Variants in HDAC9 observed in about 807,000 individuals in gnomAD.
The protein encoded by HDAC9 is histone deacetylase 9.
Under a neutral mutation model 139.4 loss-of-function variants are expected in HDAC9, and 41 were observed. The observed-to-expected ratio is 0.29, with a 90% confidence interval of 0.23 to 0.38. The LOEUF is 0.38. Among genes scored for constraint, HDAC9 ranks in the 10% least tolerant of loss-of-function variants. The pLI is 1.00. For missense variants in HDAC9, 1,147 were observed against 1,297.0 expected (o/e 0.88, Z 1.78); for synonymous variants, 517 against 476.2 (o/e 1.09, Z -1.12).
chr7:19,001,139 T>A lies in HDAC9; in HGVS notation c.*5077T>A, dbSNP rs1188810066. 2 of 152,214 alleles carry A rather than the reference T, an allele frequency of 1.3e-5. No individual in the cohort carries two copies. Among genetic ancestry groups the A allele is most frequent in the Non-Finnish European group, 2.9e-5 (2 of 68,020 alleles). 9.4% of individuals were successfully genotyped at this position (152,214 alleles called of 1,614,324 possible). On this transcript the variant is annotated 3_prime_UTR_variant, in exon 26 of 26. Transcript: ENST00000686413. ...TTGCCATCATCTGGCTACTACCTAA[T>A]CATGTTGTACTAGTTATTGTGGAAA...
intron 16 of HDAC9, among the ~76,000 whole-genome samples, chr7:18,777,201 G>T (rs1790844763): frequency 6.6e-6 from 1 of 151,914 alleles, no homozygotes; most frequent in Non-Finnish European, 1.5e-5. Context: ...TGTGCTTTGG[G>T]GTTCCAAGTC....
At chr7:18,256,802 AT>A (rs1795274051) in intron 2 of HDAC9, among the ~76,000 whole-genome samples, 1 of 152,096 alleles carries the variant, frequency 6.6e-6, no homozygotes, top group South Asian at 2.1e-4. Context: ...AAATACATAA[AT>A]GTGGCTGGGC....
chr7:18,533,374 T>C (rs1809716868), intron 2 of HDAC9, among the ~76,000 whole-genome samples: 1 of 152,188 alleles, frequency 6.6e-6, no homozygotes, highest in African/African-American at 2.4e-5. Flanking sequence ...GTAGCTTCTT[T>C]GTCGGTTTTA....
chr7:18,984,454 C>G (rs1242729228), intron 25 of HDAC9, among the ~76,000 whole-genome samples: 4 of 150,928 alleles, frequency 2.7e-5, no homozygotes, highest in Non-Finnish European at 5.9e-5. Context: ...TAAGCTTTCA[C>G]AGAGAGAGAG....
At chr7:18,295,311 A>G (rs1210565563) in intron 1 of HDAC9, among the ~76,000 whole-genome samples, 2 of 152,142 alleles carry the variant, frequency 1.3e-5, no homozygotes, top group African/African-American at 4.8e-5. Context: ...TATTCAGGAG[A>G]AAGGAGTGAT....
At position 18,332,361 on chromosome 7, in the gene HDAC9, ATGTGTGTGTG is replaced by A. The variant is rs33993916; in HGVS notation, c.-42+41869_-42+41878del. On this transcript the variant is annotated intron_variant, in intron 1 of 3. Transcript: ENST00000413509. The stretch of plus-strand genomic sequence containing the variant: ...GTGAATTGTGGCTGTGCATGCGCAC[ATGTGTGTGTG>A]TGTGTGTGTGTGTGTGTGTGTGAGA... Among the ~76,000 whole-genome samples the A allele has an allele frequency of 3.3e-3, 442 of 134,722 alleles. 2 individuals are homozygous for A. The highest frequency in any genetic ancestry group is 0.011 in the African/African-American group (391 of 34,488). 88.4% of individuals were successfully genotyped at this position (134,722 alleles called of 152,430 possible).
chr7:18,444,337 G>C (rs1792086226), intron 1 of HDAC9, among the ~76,000 whole-genome samples: 3 of 100,454 alleles, frequency 3.0e-5, no homozygotes, highest in Admixed American at 1.3e-4. Context: ...GTGAGACCCT[G>C]TCTGAAAAAA....
intron 15 of HDAC9, among the ~76,000 whole-genome samples, chr7:18,765,870 T>C (rs894394439): frequency 6.6e-6 from 1 of 152,206 alleles, no homozygotes; most frequent in Admixed American, 6.5e-5. Flanking sequence ...TTATTTGTAA[T>C]TCTATTGACT....
intron 12 of HDAC9, among the ~76,000 whole-genome samples, chr7:18,720,749 G>A (rs212661): frequency 0.12 from 18,820 of 150,640 alleles, 2,714 homozygotes; most frequent in African/African-American, 0.37. Flanking sequence ...TGGCCTGATC[G>A]TGGCTCACTG....
chr7:18,358,332 C>G (rs937185037), intron 1 of HDAC9, among the ~76,000 whole-genome samples: 3 of 152,160 alleles, frequency 2.0e-5, no homozygotes, highest in African/African-American at 7.2e-5. Flanking sequence ...AGCACAAACA[C>G]TTATGTAGGA....
At chr7:18,306,103 T>C (rs928473326) in intron 1 of HDAC9, among the ~76,000 whole-genome samples, 15 of 152,210 alleles carry the variant, frequency 9.9e-5, no homozygotes, top group Admixed American at 9.8e-4. Context: ...AAAAACAATA[T>C]GTTATCAAGT....
intron 2 of HDAC9, among the ~76,000 whole-genome samples, chr7:18,521,439 AT>A (rs1804993925): frequency 2.0e-5 from 3 of 152,188 alleles, no homozygotes; most frequent in African/African-American, 7.2e-5. Flanking sequence ...TTGTCACAAT[AT>A]AGATCATTTA....
intron 1 of HDAC9, among the ~76,000 whole-genome samples, chr7:18,371,522 A>G (rs1257763512): frequency 1.3e-5 from 2 of 152,162 alleles, no homozygotes; most frequent in East Asian, 1.9e-4. Context: ...TATATCTATT[A>G]TAATACATGT....
intron 1 of HDAC9, among the ~76,000 whole-genome samples, chr7:18,479,435 G>A (rs953503307): frequency 1.3e-5 from 2 of 151,966 alleles, no homozygotes; most frequent in African/African-American, 4.8e-5. Context: ...CACATATGTG[G>A]GACAATATTC....
chr7:18,677,908 A>G (rs1429664235), intron 12 of HDAC9, among the ~76,000 whole-genome samples: 2 of 151,856 alleles, frequency 1.3e-5, no homozygotes, highest in Non-Finnish European at 2.9e-5. Flanking sequence ...TGTCCTTTCA[A>G]GAATGATTTG....
intron 12 of HDAC9, among the ~76,000 whole-genome samples, chr7:18,706,306 A>T (rs1783914037): frequency 6.6e-6 from 1 of 151,628 alleles, no homozygotes; most frequent in Admixed American, 6.6e-5. Flanking sequence ...GCAAAATTGT[A>T]AGCACCCTGA....
At chr7:18,402,410 AG>A (rs1787631110) in intron 1 of HDAC9, among the ~76,000 whole-genome samples, 2 of 152,182 alleles carry the variant, frequency 1.3e-5, no homozygotes, top group African/African-American at 4.8e-5. Context: ...TTCTGATCTG[AG>A]GAAAGAGCCT....
chr7:18,281,244 C>T (rs898588842), intron 2 of HDAC9, among the ~76,000 whole-genome samples: 2 of 152,202 alleles, frequency 1.3e-5, no homozygotes, highest in East Asian at 3.8e-4. Flanking sequence ...GATAAACTTT[C>T]TATATGATGA....
chr7:18,710,526 A>G (rs1243293567), intron 12 of HDAC9, among the ~76,000 whole-genome samples: 2 of 152,236 alleles, frequency 1.3e-5, no homozygotes, highest in African/African-American at 4.8e-5. Flanking sequence ...GTATATATAT[A>G]CACACATACA....
Sources: allele counts gnomAD v4.1 joint callset (sites outside exome capture counted in the v4.1 genomes callset), GRCh38; gene constraint gnomAD v4.1.1; transcripts MANE v1.5; gene names NCBI Gene and HGNC (gene_info 2026-07-23, HGNC 2026-07-21).